ARL15: variants seen among roughly 807,000 people sequenced by gnomAD.
ARL15 encodes the protein ADP-ribosylation factor-like protein 15.
Under a neutral mutation model 25.2 loss-of-function variants are expected in ARL15, and 19 were observed. The observed-to-expected ratio is 0.75, with a 90% CI of 0.53 to 1.10. The LOEUF (loss-of-function observed/expected upper bound fraction) is 1.10. Ranked by LOEUF, ARL15 falls within the 50% of genes least tolerant of loss-of-function variation. The pLI is 0.00. For missense variants in ARL15, 220 were observed against 246.0 expected, an observed-to-expected ratio of 0.89 and a Z score of 0.71; for synonymous variants, 94 against 86.8, an observed-to-expected ratio of 1.08 and a Z score of -0.46.
chr5:54,011,277 TTAAG>T (rs1749235116), intron 4 of ARL15, among the ~76,000 whole-genome samples: 2 of 152,262 alleles, frequency 1.3e-5, no homozygotes, highest in African/African-American at 4.8e-5. Flanking sequence ...ACTGTAAAAT[TTAAG>T]TGTTTCACCA....
At chr5:54,015,205 T>G (rs1348579726) in intron 4 of ARL15, among the ~76,000 whole-genome samples, 3 of 151,522 alleles carry the variant, frequency 2.0e-5, no homozygotes, top group Non-Finnish European at 4.4e-5. Context: ...GCAGGAGAGA[T>G]TGCTTGAACC....
chr5:54,045,610 C>T (rs916453491), intron 4 of ARL15, among the ~76,000 whole-genome samples: 7 of 147,002 alleles, frequency 4.8e-5, no homozygotes, highest in Non-Finnish European at 8.9e-5. Context: ...AAAAAAAAAG[C>T]CACCTTAACA....
chr5:54,138,883 A>T (rs1487899908), intron 3 of ARL15, among the ~76,000 whole-genome samples: 1 of 152,234 alleles, frequency 6.6e-6, no homozygotes, highest in Non-Finnish European at 1.5e-5. Flanking sequence ...CCTCAAAAGA[A>T]GATATACAAA....
intron 4 of ARL15, among the ~76,000 whole-genome samples, chr5:53,949,632 C>A (rs1746878759): frequency 6.6e-6 from 1 of 152,130 alleles, no homozygotes; most frequent in Non-Finnish European, 1.5e-5. Context: ...TGGTTTGTTT[C>A]ATAGTTCTAA....
At chr5:54,000,728 G>C (rs1388256334) in intron 4 of ARL15, among the ~76,000 whole-genome samples, 1 of 152,002 alleles carries the variant, frequency 6.6e-6, no homozygotes, top group African/African-American at 2.4e-5. Flanking sequence ...ACCAAAAAAA[G>C]GGAAATAAAT....
chr5:53,903,332 C>A (rs1450145959), intron 4 of ARL15, among the ~76,000 whole-genome samples: 10 of 152,150 alleles, frequency 6.6e-5, no homozygotes, highest in African/African-American at 1.7e-4. Context: ...GAAAAGGCAA[C>A]TGTACCTTCC....
At chr5:53,994,575 C>T (rs1200603859) in intron 4 of ARL15, among the ~76,000 whole-genome samples, 3 of 152,124 alleles carry the variant, frequency 2.0e-5, no homozygotes, top group African/African-American at 7.2e-5. Context: ...TAAACTGGAT[C>T]CTTGATAATG....
In ARL15 at chr5:53,893,608, AAAAC is replaced by A. The variant is rs34736180; in HGVS notation, c.463-6899_463-6896del. 0.022 allele frequency among the ~76,000 whole-genome samples: 3,391 copies of A among 152,150 alleles called. 271 individuals are homozygous for A. The East Asian group carries it at 0.27, about 12-fold the overall frequency. On this transcript the variant is annotated intron_variant, in intron 4 of 4. Transcript: ENST00000504924. ...GGGCGACAGAGCGAGACTCCATCTCAAAACAAACAAACAAACAAACAAACAAAGT... is the reference window on the plus strand; with the variant it reads ...GGGCGACAGAGCGAGACTCCATCTCAAAACAAACAAACAAACAAACAAAGT...
chr5:54,237,732 C>T (rs1238562696), intron 1 of ARL15, among the ~76,000 whole-genome samples: 2 of 152,162 alleles, frequency 1.3e-5, no homozygotes, highest in African/African-American at 4.8e-5. Context: ...AGAAGAAATG[C>T]GGGTGATCCT....
intron 4 of ARL15, among the ~76,000 whole-genome samples, chr5:53,895,155 G>A (rs1328493934): frequency 6.6e-6 from 1 of 152,178 alleles, no homozygotes; most frequent in Non-Finnish European, 1.5e-5. Flanking sequence ...GTCTAGCAGG[G>A]AGGCCCAAGG....
chr5:54,076,128 T>C (rs920005739), intron 4 of ARL15, among the ~76,000 whole-genome samples: 2 of 151,946 alleles, frequency 1.3e-5, no homozygotes, highest in Non-Finnish European at 2.9e-5. Context: ...GAAATCAGGA[T>C]AATATAGGCC....
At chr5:53,970,122 A>G (rs1269811165) in intron 4 of ARL15, among the ~76,000 whole-genome samples, 1 of 152,190 alleles carries the variant, frequency 6.6e-6, no homozygotes, top group Non-Finnish European at 1.5e-5. Flanking sequence ...CCCAAATGAT[A>G]TCAAATGTGG....
chr5:54,304,132 A>G (rs1258541654), intron 1 of ARL15, among the ~76,000 whole-genome samples: 2 of 152,172 alleles, frequency 1.3e-5, no homozygotes, highest in Non-Finnish European at 2.9e-5. Context: ...TATACTAAAA[A>G]TTTTGAGTGC....
At chr5:53,979,827 TTTTGTGTGTG>T (rs1748061357) in intron 4 of ARL15, among the ~76,000 whole-genome samples, 1 of 134,494 alleles carries the variant, frequency 7.4e-6, no homozygotes, top group Non-Finnish European at 1.6e-5. Context: ...CTTTAAAGTC[TTTTGTGTGTG>T]TGTGTGTGTG....
chr5:53,977,635 G>A (rs1477137683), intron 4 of ARL15, among the ~76,000 whole-genome samples: 1 of 152,158 alleles, frequency 6.6e-6, no homozygotes, highest in Non-Finnish European at 1.5e-5. Flanking sequence ...GATTGACCCT[G>A]CTGATAGAAG....
intron 1 of ARL15, among the ~76,000 whole-genome samples, chr5:54,221,867 AC>A (rs1391631606): frequency 2.1e-4 from 30 of 145,096 alleles, no homozygotes; most frequent in African/African-American, 6.5e-4. Flanking sequence ...ACACACACAC[AC>A]ACAAAACCCT....
chr5:54,198,400 T>G (rs189091907), intron 1 of ARL15, among the ~76,000 whole-genome samples: 1 of 152,042 alleles, frequency 6.6e-6, no homozygotes, highest in Non-Finnish European at 1.5e-5. Context: ...GAAAACCCCA[T>G]TGTCTCAGCC....
chr5:54,151,012 A>C (rs891750346), intron 3 of ARL15, among the ~76,000 whole-genome samples: 3 of 152,250 alleles, frequency 2.0e-5, no homozygotes, highest in Middle Eastern at 3.4e-3. Context: ...AAGAGCTCAG[A>C]CTGATACCAA....
chr5:54,300,466 T>C (rs944748506), intron 1 of ARL15, among the ~76,000 whole-genome samples: 1 of 152,204 alleles, frequency 6.6e-6, no homozygotes, highest in African/African-American at 2.4e-5. Flanking sequence ...TCCATCTGAT[T>C]ACAACTTCAT....
Sources: allele counts gnomAD v4.1 joint callset (sites outside exome capture counted in the v4.1 genomes callset), GRCh38; gene constraint gnomAD v4.1.1; transcripts MANE v1.5; gene names NCBI Gene and HGNC (gene_info 2026-07-23, HGNC 2026-07-21).